The following EEIG1 variants were observed in gnomAD, a reference collection of about 807,000 sequenced individuals.
EEIG1 encodes the protein estrogen-induced osteoclastogenesis regulator 1.
At chr9:127,960,708 T>C in the EEIG1 span, among the ~76,000 whole-genome samples, 1 of 152,160 alleles carries the variant, frequency 6.6e-6, no homozygotes, top group Non-Finnish European at 1.5e-5. Context: ...GCTTTCTCCC[T>C]TTCCTTTTGA....
chr9:127,949,425 A>G, the EEIG1 span, among the ~76,000 whole-genome samples: 1 of 152,060 alleles, frequency 6.6e-6, no homozygotes, highest in Non-Finnish European at 1.5e-5. Flanking sequence ...TGAGGGAACC[A>G]AGACTCAGAG....
At chr9:127,943,287 G>C in the EEIG1 span, 1 of 1,583,094 alleles carries the variant, frequency 6.3e-7, no homozygotes, top group Non-Finnish European at 8.7e-7. Context: ...CCCATTTCCT[G>C]AGCGCTCCAC....
At chr9:127,976,913 C>G in the EEIG1 span, among the ~76,000 whole-genome samples, 1 of 152,054 alleles carries the variant, frequency 6.6e-6, no homozygotes, top group African/African-American at 2.4e-5. This position sits in a 1 kb window ranked among gnomAD's most constrained non-coding sequence, Gnocchi z 4.1. Context: ...TTCCCCCAGA[C>G]CCTACTCCAA....
At chr9:127,947,960 C>G in the EEIG1 span, 1 of 1,273,542 alleles carries the variant, frequency 7.9e-7, no homozygotes, top group Non-Finnish European at 1.1e-6. Context: ...CAAACACCCT[C>G]CCACCATCAC....
At chr9:127,945,251 C>T in the EEIG1 span, 1 of 897,534 alleles carries the variant, frequency 1.1e-6, no homozygotes, top group East Asian at 2.7e-5. This position sits in a 1 kb window ranked among gnomAD's most constrained non-coding sequence, Gnocchi z 6.5. Flanking sequence ...ATCGTCACCA[C>T]CCAACCCTCT....
the EEIG1 span, chr9:127,942,988 T>A: frequency 3.3e-6 from 2 of 613,584 alleles, no homozygotes; most frequent in Non-Finnish European, 3.0e-6. Context: ...CAGTGGTGCC[T>A]GGGCCTTGGT....
At chr9:127,949,881 G>A in the EEIG1 span, among the ~76,000 whole-genome samples, 2 of 152,200 alleles carry the variant, frequency 1.3e-5, no homozygotes, top group African/African-American at 4.8e-5. Context: ...CCTGTCCACT[G>A]GAAACCTGCC....
the EEIG1 span, among the ~76,000 whole-genome samples, chr9:127,953,090 A>T: frequency 6.6e-6 from 1 of 152,026 alleles, no homozygotes; most frequent in African/African-American, 2.4e-5. Context: ...AGATTGTGCC[A>T]TTGCACTCCA....
At chr9:127,942,990 G>A in the EEIG1 span, 1 of 616,324 alleles carries the variant, frequency 1.6e-6, no homozygotes, top group South Asian at 1.8e-5. Flanking sequence ...GTGGTGCCTG[G>A]GCCTTGGTGG....
chr9:127,949,379 G>A, the EEIG1 span, among the ~76,000 whole-genome samples: 122 of 151,978 alleles, frequency 8.0e-4, no homozygotes, highest in Non-Finnish European at 1.5e-3. Flanking sequence ...TATTCACTCG[G>A]CCATGAAAGC....
At chr9:127,953,649 C>T in the EEIG1 span, 2 of 1,612,160 alleles carry the variant, frequency 1.2e-6, no homozygotes, top group South Asian at 1.1e-5. Flanking sequence ...CTGCAGAATC[C>T]CAGGGACCTC....
chr9:127,952,502 A>G, the EEIG1 span, among the ~76,000 whole-genome samples: 1 of 152,232 alleles, frequency 6.6e-6, no homozygotes, highest in Admixed American at 6.5e-5. Flanking sequence ...TGCCCAGTAG[A>G]AAAGCTCTTA....
the EEIG1 span, among the ~76,000 whole-genome samples, chr9:127,948,614 A>T: frequency 6.6e-6 from 1 of 152,200 alleles, no homozygotes; most frequent in African/African-American, 2.4e-5. Context: ...CAGAGATGGA[A>T]CCAAGGCCTG....
At chr9:127,958,450 A>C in the EEIG1 span, among the ~76,000 whole-genome samples, 3 of 152,168 alleles carry the variant, frequency 2.0e-5, no homozygotes, top group Non-Finnish European at 4.4e-5. Flanking sequence ...GGATCACTTG[A>C]GGCCAGAAGT....
the EEIG1 span, among the ~76,000 whole-genome samples, chr9:127,967,927 C>G: frequency 1.3e-5 from 2 of 152,050 alleles, no homozygotes; most frequent in Non-Finnish European, 2.9e-5. Context: ...CACACAGTCC[C>G]CTACCTTCTT....
the EEIG1 span, chr9:127,944,802 A>G: frequency 0.84 from 1,347,620 of 1,611,540 alleles, 570,201 homozygotes; most frequent in Non-Finnish European, 0.87. Flanking sequence ...CATCTGTGAA[A>G]TCCTGGCTCT....
At chr9:127,942,873 G>A in the EEIG1 span, 3 of 435,376 alleles carry the variant, frequency 6.9e-6, no homozygotes, top group Non-Finnish European at 1.3e-5. Flanking sequence ...GGCTGGGTCA[G>A]TCTCCAGCAG....
the EEIG1 span, chr9:127,941,940 GGA>G: frequency 6.6e-6 from 1 of 152,478 alleles, no homozygotes; most frequent in South Asian, 2.1e-4. Flanking sequence ...AAAAGGGGCA[GGA>G]GAGTTTGTCC....
the EEIG1 span, among the ~76,000 whole-genome samples, chr9:127,970,652 G>A: frequency 6.6e-6 from 1 of 152,294 alleles, no homozygotes; most frequent in East Asian, 1.9e-4. Flanking sequence ...GCCCTTGGTG[G>A]TTCTAAACTA....
Sources: allele counts gnomAD v4.1 joint callset (sites outside exome capture counted in the v4.1 genomes callset), GRCh38; gene constraint gnomAD v4.1.1; non-coding constraint Gnocchi (gnomAD v3.1); transcripts MANE v1.5; gene names NCBI Gene and HGNC (gene_info 2026-07-23, HGNC 2026-07-21).